The following NCAM2 variants were observed in gnomAD, a reference collection of about 807,000 sequenced individuals.
NCAM2 encodes neural cell adhesion molecule 2.
Under a neutral mutation model 98.1 loss-of-function variants are expected in NCAM2, and 30 were observed. That is an observed-to-expected ratio of 0.31 (90% CI 0.23 to 0.41). The LOEUF is 0.41. Ranked by LOEUF, NCAM2 falls within the 10% of genes least tolerant of loss-of-function variation. The pLI is 1.00. For synonymous variants in NCAM2, 368 were observed against 342.4 expected (o/e 1.07, Z -0.83); for missense variants, 867 against 1,005.8 (o/e 0.86, Z 1.87).
chr21:21,410,177 C>T (rs1367646874), intron 9 of NCAM2, 97 bp from the exon 10 acceptor site: 4 of 682,402 alleles, frequency 5.9e-6, no homozygotes, highest in Non-Finnish European at 8.6e-6. Context: ...TATGTGGCTT[C>T]TTTTTATACA....
At chr21:21,027,093 A>C (rs1328179611) in intron 1 of NCAM2, among the ~76,000 whole-genome samples, 1 of 151,846 alleles carries the variant, frequency 6.6e-6, no homozygotes, top group Admixed American at 6.6e-5. Context: ...CCTGACCTTA[A>C]ATGATTCACC....
chr21:21,300,919 C>T (rs766254105), intron 5 of NCAM2, among the ~76,000 whole-genome samples: 4 of 151,680 alleles, frequency 2.6e-5, no homozygotes, highest in Non-Finnish European at 5.9e-5. Flanking sequence ...TTGTCATGTA[C>T]AATAATCTGC....
At chr21:21,219,917 T>G (rs2070071182) in intron 1 of NCAM2, among the ~76,000 whole-genome samples, 1 of 152,060 alleles carries the variant, frequency 6.6e-6, no homozygotes, top group African/African-American at 2.4e-5. Context: ...GTCACAGTTT[T>G]TAACAAAAAA....
At chr21:21,080,698 C>A (rs1376230462) in intron 1 of NCAM2, among the ~76,000 whole-genome samples, 1 of 149,056 alleles carries the variant, frequency 6.7e-6, no homozygotes, top group African/African-American at 2.5e-5. Flanking sequence ...TGATTCATAC[C>A]CCTAACATTT....
At chr21:21,078,221 T>G (rs746210667) in intron 1 of NCAM2, among the ~76,000 whole-genome samples, 1 of 152,226 alleles carries the variant, frequency 6.6e-6, no homozygotes, top group African/African-American at 2.4e-5. Flanking sequence ...AAAAATATAG[T>G]GCATTCATGT....
At chr21:21,337,076 C>A (rs953691938) in intron 7 of NCAM2, among the ~76,000 whole-genome samples, 26 of 151,998 alleles carry the variant, frequency 1.7e-4, no homozygotes, top group Non-Finnish European at 3.2e-4. Flanking sequence ...AATATTTTTT[C>A]TATAAAACCT....
chr21:21,456,258 A>G lies in NCAM2; in HGVS notation c.1655-10348A>G, dbSNP rs373237777. On this transcript the variant is annotated intron_variant, in intron 12 of 17. Transcript: ENST00000400546. ...ACAGAATATGCTGGCCAGAGTGTAT[A>G]ATAGTAACAAAGTGGCTGGTACATG... Among the ~76,000 whole-genome samples the G allele has an allele frequency of 4.6e-5, 7 of 152,290 alleles. No individual in the cohort carries two copies. The East Asian group carries it at 9.6e-4, about 21-fold the overall frequency.
intron 1 of NCAM2, among the ~76,000 whole-genome samples, chr21:21,177,063 G>A (rs1243124534): frequency 1.3e-5 from 2 of 151,962 alleles, no homozygotes; most frequent in Non-Finnish European, 2.9e-5. Context: ...TTCTGTAAAG[G>A]CAATTTCAGC....
intron 1 of NCAM2, among the ~76,000 whole-genome samples, chr21:21,232,692 T>G (rs1424374395): frequency 6.6e-6 from 1 of 151,844 alleles, no homozygotes; most frequent in East Asian, 1.9e-4. Flanking sequence ...TGTGTAGACA[T>G]TATTAAGAAA....
At chr21:21,068,931 G>T (rs898196265) in intron 1 of NCAM2, among the ~76,000 whole-genome samples, 3 of 152,098 alleles carry the variant, frequency 2.0e-5, no homozygotes, top group African/African-American at 7.2e-5. Flanking sequence ...AAATGTAAAA[G>T]TACTGTCATA....
At chr21:21,317,184 C>G (rs1044177871) in intron 5 of NCAM2, among the ~76,000 whole-genome samples, 18 of 152,104 alleles carry the variant, frequency 1.2e-4, no homozygotes, top group African/African-American at 4.3e-4. Flanking sequence ...TTCACTCTTC[C>G]AGGAGTTTCC....
chr21:21,461,919 A>G (rs1983031520), intron 12 of NCAM2, among the ~76,000 whole-genome samples: 2 of 152,162 alleles, frequency 1.3e-5, no homozygotes, highest in Middle Eastern at 6.8e-3. Flanking sequence ...CTGGCATCAA[A>G]GTATTAAAAT....
intron 11 of NCAM2, 36 bp from the exon 12 acceptor site, chr21:21,432,072 C>T (rs750259728): frequency 1.3e-6 from 2 of 1,592,360 alleles, no homozygotes; most frequent in South Asian, 1.1e-5. Context: ...TTCCCATTCC[C>T]TTGGTTATGT....
intron 1 of NCAM2, among the ~76,000 whole-genome samples, chr21:21,056,890 C>T (rs1161493324): frequency 1.3e-5 from 2 of 152,048 alleles, no homozygotes; most frequent in South Asian, 2.1e-4. Flanking sequence ...AGAAACTAAA[C>T]TCTTGAGCCT....
intron 1 of NCAM2, among the ~76,000 whole-genome samples, chr21:21,112,050 C>T (rs962121783): frequency 3.9e-5 from 6 of 152,178 alleles, no homozygotes; most frequent in African/African-American, 1.4e-4. Flanking sequence ...CTTTAAATGA[C>T]TGTAGACATT....
chr21:21,127,633 T>C (rs2066854813), intron 1 of NCAM2, among the ~76,000 whole-genome samples: 1 of 152,160 alleles, frequency 6.6e-6, no homozygotes, highest in Admixed American at 6.6e-5. Flanking sequence ...TCTCAGCCTC[T>C]GATAATCACT....
chr21:21,335,145 G>A (rs2074824943), intron 6 of NCAM2, among the ~76,000 whole-genome samples: 2 of 151,970 alleles, frequency 1.3e-5, no homozygotes, highest in Non-Finnish European at 1.5e-5. Flanking sequence ...TAATAAATAT[G>A]TATTGTCTCA....
In NCAM2 at chr21:21,450,793, TACACACACAC is replaced by T. The variant is rs71195329; in HGVS notation, c.1655-15781_1655-15772del. Among the ~76,000 whole-genome samples, 597 of 143,510 alleles carry T rather than the reference TACACACACAC, an allele frequency of 4.2e-3. 5 individuals carry two copies. Among genetic ancestry groups the T allele is most frequent in the Admixed American group, 6.5e-3 (93 of 14,308 alleles). 94.1% of individuals were successfully genotyped at this position (143,510 alleles called of 152,430 possible). A position where few individuals can be genotyped will look rare whatever the true frequency, so the allele number is the denominator to read the frequency against. ...CATCATGTATGTATGTATGTATGTA[TACACACACAC>T]ACACACACACACACACACACACACA... On this transcript the variant is annotated intron_variant, in intron 12 of 17. Transcript: ENST00000400546.
intron 1 of NCAM2, among the ~76,000 whole-genome samples, chr21:21,150,483 AAG>A (rs1193761413): frequency 2.0e-5 from 3 of 152,114 alleles, no homozygotes; most frequent in African/African-American, 7.2e-5. Context: ...AGACTTTTAA[AAG>A]AGATTCTTGA....
Sources: gnomAD v4.1 joint callset for allele counts (sites outside exome capture counted in the v4.1 genomes callset) on GRCh38, gnomAD v4.1.1 for gene constraint, MANE v1.5 for transcripts, NCBI Gene and HGNC (gene_info 2026-07-23, HGNC 2026-07-21) for gene names.